CBX3: variants seen among roughly 807,000 people sequenced by gnomAD.
CBX3 encodes the protein chromobox 3.
CBX3 carries 5 observed loss-of-function variants against 22.6 expected under a neutral mutation model. The ratio of observed to expected loss-of-function variants is 0.22; its 90% confidence interval spans 0.12 to 0.47. CBX3 has a LOEUF of 0.47. Ranked by LOEUF, CBX3 falls within the 20% of genes least tolerant of loss-of-function variation. CBX3 has a pLI of 0.99. For synonymous variants in CBX3, 50 were observed against 66.6 expected (o/e 0.75, Z 1.21); for missense variants, 83 against 208.1 (o/e 0.40, Z 3.70).
intron 5 of CBX3, 111 bp from the exon 6 acceptor site, chr7:26,211,971 C>G (rs1054515875): frequency 5.9e-6 from 6 of 1,011,234 alleles, no homozygotes; most frequent in East Asian, 2.8e-5. Flanking sequence ...ACATAACTCT[C>G]CTGGAGCACT....
At chr7:26,206,190 T>TA in intron 2 of CBX3, 178 bp from the exon 3 acceptor site, 1 of 552,214 alleles carries the variant, frequency 1.8e-6, no homozygotes, top group Non-Finnish European at 3.2e-6. Flanking sequence ...ATGAACAAGA[T>TA]AAAGCATTCT....
intron 3 of CBX3, 45 bp from the exon 4 acceptor site, chr7:26,208,348 T>C (rs1784727540): frequency 6.9e-7 from 1 of 1,441,346 alleles, no homozygotes; most frequent in Admixed American, 2.1e-5. Flanking sequence ...TGATGAATCA[T>C]ATTTAATTCA....
chr7:26,209,089 T>C (rs1358446482), intron 4 of CBX3, among the ~76,000 whole-genome samples: 1 of 151,438 alleles, frequency 6.6e-6, no homozygotes, highest in East Asian at 1.9e-4. Flanking sequence ...GTATATTTAG[T>C]AGAGACGGGG....
At chr7:26,210,904 A>G (rs1784790098) in intron 4 of CBX3, among the ~76,000 whole-genome samples, 1 of 152,108 alleles carries the variant, frequency 6.6e-6, no homozygotes, top group African/African-American at 2.4e-5. Context: ...CCCCCTCCCA[A>G]AAAGGACTCT....
rs376082347 is a variant in CBX3, at chr7:26,208,364, C to CTTT, written c.168-19_168-17dup. The CTTT allele has an allele frequency of 1.4e-5, 17 of 1,179,394 alleles. No individual in the cohort carries two copies. The East Asian group carries it at 2.0e-4, about 14-fold the overall frequency. The allele number at this position is 1,179,394 out of a possible 1,614,324, so 73.1% of individuals were successfully genotyped here. ...GATGAATCATATTTAATTCAATCAC[C>CTTT]TTTTTTTTTTTTAATAAACTAAACA... is the stretch of plus-strand genomic sequence containing the variant. On this transcript the variant is annotated intron_variant, in intron 3 of 5. Transcript: ENST00000396386.
chr7:26,203,113 T>TC, intron 2 of CBX3, 91 bp downstream of exon 2: 1 of 743,442 alleles, frequency 1.3e-6, no homozygotes, highest in Non-Finnish European at 2.2e-6. Context: ...CTGAGAAATT[T>TC]ACATCCACAT....
intron 2 of CBX3, among the ~76,000 whole-genome samples, chr7:26,204,194 A>G (rs998800751): frequency 3.3e-5 from 5 of 152,038 alleles, no homozygotes; most frequent in African/African-American, 1.2e-4. Flanking sequence ...TATGAATGCC[A>G]TAGTAGTGAA....
intron 4 of CBX3, among the ~76,000 whole-genome samples, chr7:26,209,525 C>T (rs987148199): frequency 1.3e-5 from 2 of 152,010 alleles, no homozygotes; most frequent in Non-Finnish European, 2.9e-5. Context: ...GATTATAGTC[C>T]ATCAATGGCA....
intron 1 of CBX3, 87 bp from the exon 2 acceptor site, chr7:26,202,884 T>C: frequency 1.2e-6 from 1 of 800,848 alleles, no homozygotes; most frequent in Non-Finnish European, 2.2e-6. Flanking sequence ...CGCTCTCTAC[T>C]TGGGGGTTGG....
chr7:26,211,255 C>T (rs1429015931), intron 4 of CBX3, among the ~76,000 whole-genome samples: 2 of 152,010 alleles, frequency 1.3e-5, no homozygotes, highest in African/African-American at 2.4e-5. Context: ...TTTAATATTT[C>T]TTACCGTTTG....
intron 2 of CBX3, among the ~76,000 whole-genome samples, chr7:26,204,330 T>A (rs564310108): frequency 1.1e-3 from 162 of 152,324 alleles, no homozygotes; most frequent in Admixed American, 1.7e-3. Context: ...AGTAGCTGTT[T>A]TGTTTTTCAT....
intron 4 of CBX3, chr7:26,210,696 G>T (rs1044733127): frequency 6.6e-6 from 1 of 151,986 alleles, no homozygotes; most frequent in Non-Finnish European, 1.5e-5. Context: ...ACTAACAGTA[G>T]AAATTAAAAC....
intron 4 of CBX3, among the ~76,000 whole-genome samples, chr7:26,210,914 T>C (rs150547103): frequency 2.1e-4 from 32 of 152,192 alleles, no homozygotes; most frequent in Admixed American, 1.3e-3. Flanking sequence ...AAAAGGACTC[T>C]GGAATCCCCA....
intron 3 of CBX3, among the ~76,000 whole-genome samples, chr7:26,207,424 A>G (rs2128137631): frequency 6.6e-6 from 1 of 152,334 alleles, no homozygotes; most frequent in South Asian, 2.1e-4. Context: ...ACATTAGGAA[A>G]TGAATGGGCT....
chr7:26,206,328 A>C (rs1385663341), intron 2 of CBX3, 40 bp from the exon 3 acceptor site: 1 of 1,378,218 alleles, frequency 7.3e-7, no homozygotes, highest in Non-Finnish European at 1.0e-6. Context: ...CTCAAAATTC[A>C]AGAGGAATAT....
At chr7:26,208,237 G>T (rs1475584605) in intron 3 of CBX3, 156 bp from the exon 4 acceptor site, 6 of 500,400 alleles carry the variant, frequency 1.2e-5, no homozygotes, top group Non-Finnish European at 2.1e-5. Context: ...GAGGCAGGCT[G>T]GGGGGTGGGG....
intron 4 of CBX3, 84 bp downstream of exon 4, chr7:26,208,639 A>G (rs1784736125): frequency 7.6e-7 from 1 of 1,318,190 alleles, no homozygotes; most frequent in South Asian, 1.4e-5. Flanking sequence ...TGTTTTTTTG[A>G]GATGGAGTCT....
chr7:26,206,564 T>C (rs1488495421), intron 3 of CBX3, 54 bp downstream of exon 3: 3 of 1,561,194 alleles, frequency 1.9e-6, no homozygotes, highest in South Asian at 2.3e-5. Flanking sequence ...TAAGTGGTTT[T>C]AGAATTTGTT....
intron 4 of CBX3, chr7:26,210,133 A>G (rs1379832951): frequency 6.6e-6 from 1 of 152,114 alleles, no homozygotes; most frequent in Non-Finnish European, 1.5e-5. Flanking sequence ...CTACAAAGAA[A>G]AAAAAAAGAA....
Sources: allele counts gnomAD v4.1 joint callset (sites outside exome capture counted in the v4.1 genomes callset), GRCh38; gene constraint gnomAD v4.1.1; transcripts MANE v1.5; gene names NCBI Gene and HGNC (gene_info 2026-07-23, HGNC 2026-07-21).